The following BATF2 variants were observed in gnomAD, a reference collection of about 807,000 sequenced individuals.
BATF2 encodes the protein basic leucine zipper ATF-like transcription factor 2.
A neutral mutation model predicts 7.3 loss-of-function variants in BATF2; 4 were observed. The observed-to-expected ratio is 0.55, with a 90% CI of 0.27 to 1.26. The LOEUF (loss-of-function observed/expected upper bound fraction) is 1.26. BATF2 is among the 50% of genes most tolerant of loss of function. The pLI is 0.11. For synonymous variants in BATF2, 152 were observed against 153.9 expected (o/e 0.99, Z 0.09); for missense variants, 295 against 340.5 (o/e 0.87, Z 1.05).
At position 64,988,853 on chromosome 11, in the gene BATF2, G is replaced by A. The variant is rs549003502; in HGVS notation, c.*276C>T. ...AGAAAGTCTTCGTGACCTTGGACTT[G>A]TCACTTGGCTTCCCTGAGCCTCAGT... On this transcript the variant is annotated 3_prime_UTR_variant, in exon 3 of 3. Coordinates refer to ENST00000301887, the MANE Select transcript of BATF2 (RefSeq NM_138456.4). The A allele has an allele frequency of 1.7e-5, 8 of 483,540 alleles. No individual in the cohort carries two copies. The East Asian group carries it at 3.0e-4, about 18-fold the overall frequency. The allele number at this position is 483,540 out of a possible 1,614,324, so 30.0% of individuals were successfully genotyped here. A position where few individuals can be genotyped will look rare whatever the true frequency, so the allele number is the denominator to read the frequency against.
rs1406172143 is a variant in BATF2, at chr11:64,989,541, G to A, written c.413C>T (p.Pro138Leu). The A allele has an allele frequency of 3.1e-6, 5 of 1,590,656 alleles. No homozygotes were observed. The highest frequency in any genetic ancestry group is 4.3e-6 in the Non-Finnish European group (5 of 1,168,764). ...GGGAGAATCATGAGGCTGTGGACCT[G>A]GAGAGAGCGGCTGAGCTGGGTAACA... Reference protein sequence around the residue: ...GSCYPAQPLSPGPQPHDSPSL... With the variant: ...GSCYPAQPLSLGPQPHDSPSL... The change falls in exon 3 of 3, where the codon CCA (proline) becomes CTA (leucine). Residue 138 changes from proline (P) to leucine (L), a missense_variant. By Grantham distance (98) the Pro-to-Leu change is moderately conservative. Transcript: ENST00000301887. This position sits in a 1 kb window ranked among gnomAD's most constrained non-coding sequence, Gnocchi z 4.3.
At chr11:64,996,725 C>T (rs1046837917) in intron 1 of BATF2, 151 bp downstream of exon 1, 2 of 907,324 alleles carry the variant, frequency 2.2e-6, no homozygotes, top group Admixed American at 2.9e-5. Context: ...GAAAGTGAGA[C>T]CCAGAGAGGG....
intron 2 of BATF2, among the ~76,000 whole-genome samples, chr11:64,994,247 G>T (rs1946095287): frequency 6.6e-6 from 1 of 152,162 alleles, no homozygotes; most frequent in Non-Finnish European, 1.5e-5. Context: ...GGAGCCTGGT[G>T]TGTACCTGGC....
intron 2 of BATF2, chr11:64,990,668 T>C (rs867112987): frequency 2.1e-6 from 2 of 949,112 alleles, no homozygotes; most frequent in Admixed American, 6.2e-5. Context: ...GAATTTTATA[T>C]CCACATCTCA....
chr11:64,990,598 C>A (rs1946068251), intron 2 of BATF2: 13 of 1,044,388 alleles, frequency 1.2e-5, no homozygotes, highest in Non-Finnish European at 1.5e-5. Flanking sequence ...CCCTGAGACA[C>A]AATCAATGTG....
At chr11:64,996,752 G>T in intron 1 of BATF2, 124 bp downstream of exon 1, 3 of 1,204,302 alleles carry the variant, frequency 2.5e-6, no homozygotes, top group Non-Finnish European at 2.3e-6. Flanking sequence ...AGAGCCCTCT[G>T]TCACACTGCT....
intron 1 of BATF2, among the ~76,000 whole-genome samples, chr11:64,996,619 G>T (rs961164973): frequency 6.6e-6 from 1 of 152,230 alleles, no homozygotes; most frequent in Admixed American, 6.5e-5. Context: ...TTAGGAGAGA[G>T]CAAGTACACA....
intron 2 of BATF2, among the ~76,000 whole-genome samples, chr11:64,992,531 C>T (rs1392017150): frequency 1.3e-5 from 2 of 151,902 alleles, no homozygotes; most frequent in Admixed American, 6.6e-5. Context: ...GATAGAGGAT[C>T]GGGTTCTAAT....
At chr11:64,995,034 A>C (rs1004222727) in intron 1 of BATF2, among the ~76,000 whole-genome samples, 2 of 152,018 alleles carry the variant, frequency 1.3e-5, no homozygotes, top group Non-Finnish European at 2.9e-5. Flanking sequence ...TTTTTAGTAG[A>C]GATGGGGTTT....
In BATF2 at chr11:64,989,786, G is replaced by T. The variant is rs779192862; in HGVS notation, c.168C>A (p.Asn56Lys). The T allele has an allele frequency of 6.2e-7, 1 of 1,613,926 alleles. No individual in the cohort carries two copies. Among genetic ancestry groups the T allele is most frequent in the Non-Finnish European group, 8.5e-7 (1 of 1,180,022 alleles). Residue 56 changes from asparagine to lysine, a missense_variant, in exon 3 of 3, where the codon AAC becomes AAA. Physicochemically the swap from Asn to Lys is moderately conservative, Grantham distance 94. Transcript: ENST00000301887. This position sits in a 1 kb window ranked among gnomAD's most constrained non-coding sequence, Gnocchi z 4.3. Reference sequence around the variant, plus strand: ...ACTGGATCTCCTTCCGCAGGGCGAGGTTGTCTTTTTCCAGAGACTCGTGCT... The same window carrying T: ...ACTGGATCTCCTTCCGCAGGGCGAGTTTGTCTTTTTCCAGAGACTCGTGCT... Reference protein sequence around the residue: ...HQQHESLEKDNLALRKEIQSL... With the variant: ...HQQHESLEKDKLALRKEIQSL...
Position 64,988,881 on chromosome 11 carries a change from C to A in BATF2, c.*248G>T. 1 of 523,356 alleles carries A rather than the reference C, an allele frequency of 1.9e-6. No individual in the cohort carries two copies. Among genetic ancestry groups the A allele is most frequent in the East Asian group, 3.3e-5 (1 of 30,032 alleles). 32.4% of individuals were successfully genotyped at this position (523,356 alleles called of 1,614,324 possible). On this transcript the variant is annotated 3_prime_UTR_variant, in exon 3 of 3. Transcript: ENST00000301887. ...ACTTGGCTTCCCTGAGCCTCAGTTT[C>A]CTTGTCTGAAAAAGTGGAGTGATAA...
intron 2 of BATF2, among the ~76,000 whole-genome samples, chr11:64,992,911 C>A (rs1946087468): frequency 1.3e-5 from 2 of 151,452 alleles, no homozygotes; most frequent in African/African-American, 4.9e-5. Flanking sequence ...GTAATCCCAG[C>A]ACTTTGGGAC....
intron 2 of BATF2, chr11:64,990,337 T>C: frequency 6.8e-7 from 1 of 1,465,166 alleles, no homozygotes; most frequent in Non-Finnish European, 9.0e-7. Flanking sequence ...CTGTTTCCTC[T>C]GCCTGGACAC....
intron 2 of BATF2, chr11:64,990,299 C>T: frequency 1.3e-6 from 2 of 1,490,516 alleles, no homozygotes; most frequent in Non-Finnish European, 8.9e-7. Context: ...CTGACCCTCA[C>T]ATGAACTCTG....
intron 2 of BATF2, among the ~76,000 whole-genome samples, chr11:64,991,909 G>A (rs1946080242): frequency 6.6e-6 from 1 of 152,208 alleles, no homozygotes; most frequent in Non-Finnish European, 1.5e-5. Flanking sequence ...CTGGTCTACA[G>A]GGTGCTGCTC....
In BATF2 at chr11:64,989,859, G is replaced by A. The variant is rs765833406; in HGVS notation, c.142-47C>T. 1.9e-6 allele frequency: 3 copies of A among 1,603,204 alleles called. No homozygotes were observed. Among genetic ancestry groups the A allele is most frequent in the Non-Finnish European group, 2.6e-6 (3 of 1,173,936 alleles). The stretch of plus-strand genomic sequence containing the variant: ...GGGAGGGGAACCTCAGCCAGTGTCA[G>A]GGGCCCCGCATGAGCCTTAGCCCCT... On this transcript the variant is annotated intron_variant, in intron 2 of 2. Transcript: ENST00000301887. The surrounding 1 kb of genome is among the most constrained non-coding windows in gnomAD (Gnocchi z 4.3).
In BATF2 at chr11:64,989,752, C is replaced by A. The variant is rs763943400; in HGVS notation, c.202G>T (p.Ala68Ser). 1.9e-6 allele frequency: 3 copies of A among 1,614,034 alleles called. No homozygotes were observed. Among genetic ancestry groups the A allele is most frequent in the Middle Eastern group, 1.6e-4 (1 of 6,062 alleles). ...ALRKEIQSLQAELAWWSRTLH... is the reference protein window; with the variant it reads ...ALRKEIQSLQSELAWWSRTLH... ...GTCCGGCTCCACCACGCCAGCTCGG[C>A]CTGCAGGGACTGGATCTCCTTCCGC... Residue 68 changes from alanine to serine, a missense_variant, in exon 3 of 3, where the codon GCC becomes TCC. Coordinates refer to ENST00000301887, the MANE Select transcript of BATF2 (RefSeq NM_138456.4). The surrounding 1 kb of genome is among the most constrained non-coding windows in gnomAD (Gnocchi z 4.3).
intron 2 of BATF2, among the ~76,000 whole-genome samples, chr11:64,992,391 G>A (rs1189523576): frequency 6.6e-6 from 1 of 151,980 alleles, no homozygotes; most frequent in Non-Finnish European, 1.5e-5. Flanking sequence ...ACCACTCAAT[G>A]CCACTACCTA....
chr11:64,992,851 A>C (rs1281387916), intron 2 of BATF2, among the ~76,000 whole-genome samples: 21 of 142,598 alleles, frequency 1.5e-4, no homozygotes, highest in Non-Finnish European at 2.3e-4. Flanking sequence ...ACAGAGTAAG[A>C]CCCTCTCAAA....
Sources: gnomAD v4.1 joint callset for allele counts (sites outside exome capture counted in the v4.1 genomes callset) on GRCh38, gnomAD v4.1.1 for gene constraint, Gnocchi (gnomAD v3.1) non-coding constraint, MANE v1.5 for transcripts, NCBI Gene and HGNC (gene_info 2026-07-23, HGNC 2026-07-21) for gene names.